TAX1BP1: variants seen among roughly 807,000 people sequenced by gnomAD.
TAX1BP1 encodes the protein Tax1 binding protein 1.
A neutral mutation model predicts 97.7 loss-of-function variants in TAX1BP1; 62 were observed. The observed-to-expected ratio is 0.63, with a 90% confidence interval of 0.52 to 0.78. TAX1BP1 has a LOEUF of 0.78. Among genes scored for constraint, TAX1BP1 ranks in the 30% least tolerant of loss-of-function variants. The probability of loss-of-function intolerance (pLI) is 0.00; values close to 1 mark genes in which losing one functional copy is unlikely to be tolerated. For synonymous variants in TAX1BP1, 340 were observed against 304.2 expected (o/e 1.12, Z -1.23); for missense variants, 867 against 916.1 (o/e 0.95, Z 0.69).
intron 7 of TAX1BP1, 51 bp downstream of exon 7, chr7:27,785,540 C>A: frequency 6.7e-7 from 1 of 1,492,400 alleles, no homozygotes; most frequent in Non-Finnish European, 9.2e-7. Context: ...AAGAAATGAC[C>A]CCAGAACTTA....
intron 1 of TAX1BP1, among the ~76,000 whole-genome samples, chr7:27,745,899 A>G (rs1409900759): frequency 1.3e-5 from 2 of 152,002 alleles, no homozygotes; most frequent in African/African-American, 2.4e-5. Flanking sequence ...TCTATAGTGT[A>G]TACTTCTTGA....
Position 27,800,069 on chromosome 7 carries a change from T to C in TAX1BP1, c.1743T>C (p.Ala581=). 6.3e-7 allele frequency: 1 copy of C among 1,590,856 alleles called. No individual in the cohort carries two copies. ...KIAENVKLEL[A]EVQDNYKELK... is the part of the protein sequence containing the mutation. ...CTGAAAATGTAAAACTTGAACTAGCTGAAGTACAGGACAATTATAAAGTAA... is the reference window on the plus strand; with the variant it reads ...CTGAAAATGTAAAACTTGAACTAGCCGAAGTACAGGACAATTATAAAGTAA... The change falls in exon 13 of 17, where the codon GCT becomes GCC. Residue 581 remains alanine, a synonymous_variant. Coordinates refer to ENST00000396319, the MANE Select transcript of TAX1BP1 (RefSeq NM_006024.7).
rs182426017 is a variant in TAX1BP1, at chr7:27,792,984, G to A, written c.1264-82G>A. On this transcript the variant is annotated intron_variant, in intron 9 of 16. Coordinates refer to ENST00000396319, the MANE Select transcript of TAX1BP1 (RefSeq NM_006024.7). ...CTCAAAAACAAAAAAAAGAAAAAAA[G>A]TAAGATTGAAGTTGGGGTTACTATT... 200 of 1,295,762 alleles carry A rather than the reference G, an allele frequency of 1.5e-4. No homozygotes were observed. In the African/African-American group the frequency reaches 2.7e-3, roughly 18 times the overall value. The allele number at this position is 1,295,762 out of a possible 1,614,324, so 80.3% of individuals were successfully genotyped here. A position where few individuals can be genotyped will look rare whatever the true frequency, so the allele number is the denominator to read the frequency against.
At chr7:27,790,498 G>A (rs1789664086) in intron 8 of TAX1BP1, among the ~76,000 whole-genome samples, 1 of 151,690 alleles carries the variant, frequency 6.6e-6, no homozygotes, top group Non-Finnish European at 1.5e-5. Context: ...TTCCCACCAA[G>A]AGTATATGAG....
chr7:27,754,593 G>C (rs1349102833), intron 2 of TAX1BP1, among the ~76,000 whole-genome samples: 1 of 151,434 alleles, frequency 6.6e-6, no homozygotes, highest in Non-Finnish European at 1.5e-5. Context: ...TTTGTTTTTT[G>C]AGACAGTCTC....
At chr7:27,807,711 T>G (rs1275067668) in intron 13 of TAX1BP1, among the ~76,000 whole-genome samples, 1 of 152,188 alleles carries the variant, frequency 6.6e-6, no homozygotes, top group Non-Finnish European at 1.5e-5. Flanking sequence ...GTAAATATCT[T>G]GTTCTTTATC....
chr7:27,787,968 T>C (rs1209447544), intron 8 of TAX1BP1, among the ~76,000 whole-genome samples: 1 of 152,124 alleles, frequency 6.6e-6, no homozygotes, highest in Non-Finnish European at 1.5e-5. Context: ...TCATAGTTAG[T>C]TCACAATCAC....
intron 13 of TAX1BP1, among the ~76,000 whole-genome samples, chr7:27,807,933 A>G (rs1790404025): frequency 6.6e-6 from 1 of 152,150 alleles, no homozygotes; most frequent in African/African-American, 2.4e-5. Context: ...CTCAGATTGT[A>G]TCAGATTTAA....
At chr7:27,826,630 C>G (rs774981859) in intron 15 of TAX1BP1, among the ~76,000 whole-genome samples, 1 of 152,162 alleles carries the variant, frequency 6.6e-6, no homozygotes, top group African/African-American at 2.4e-5. Flanking sequence ...GATGATGTGC[C>G]TGGTTTCAGT....
At chr7:27,793,294 T>G (rs545540142) in intron 10 of TAX1BP1, 82 bp downstream of exon 10, 3 of 1,201,658 alleles carry the variant, frequency 2.5e-6, no homozygotes, top group Non-Finnish European at 3.4e-6. Context: ...ATTCCAAATA[T>G]CAACCTTTTA....
chr7:27,819,295 A>G (rs1790888830), intron 15 of TAX1BP1, among the ~76,000 whole-genome samples: 1 of 152,156 alleles, frequency 6.6e-6, no homozygotes, highest in African/African-American at 2.4e-5. Context: ...ACATAAATTG[A>G]AAGAAAATTA....
At chr7:27,765,751 G>T in intron 3 of TAX1BP1, 83 bp from the exon 4 acceptor site, 1 of 1,207,334 alleles carries the variant, frequency 8.3e-7, no homozygotes, top group Non-Finnish European at 1.2e-6. Flanking sequence ...TGGGGAATGA[G>T]ACATGGCAAG....
chr7:27,811,287 ATATGTGGACGTGTATGT>A (rs1790549091), intron 13 of TAX1BP1, among the ~76,000 whole-genome samples: 1 of 152,198 alleles, frequency 6.6e-6, no homozygotes, highest in African/African-American at 2.4e-5. Flanking sequence ...GGCATAGTTG[ATATGTGGACGTGTATGT>A]TATGTATGGA....
intron 15 of TAX1BP1, among the ~76,000 whole-genome samples, chr7:27,824,690 A>G (rs1189725963): frequency 6.6e-6 from 1 of 152,098 alleles, no homozygotes; most frequent in African/African-American, 2.4e-5. Flanking sequence ...ATTGAATGTC[A>G]GTTTATCGTA....
At chr7:27,778,376 C>G (rs1351144123) in intron 5 of TAX1BP1, among the ~76,000 whole-genome samples, 1 of 151,956 alleles carries the variant, frequency 6.6e-6, no homozygotes, top group Non-Finnish European at 1.5e-5. Flanking sequence ...TAGTCACACT[C>G]TTGAGTAGCT....
rs941462623 is a variant in TAX1BP1, at chr7:27,817,690, T to A, written c.2085+652T>A. Among the ~76,000 whole-genome samples, 3 of 152,350 alleles carry A rather than the reference T, an allele frequency of 2.0e-5. No individual in the cohort carries two copies. In the South Asian group the frequency reaches 6.2e-4, roughly 32 times the overall value. On this transcript the variant is annotated intron_variant, in intron 15 of 16. Coordinates refer to ENST00000396319, the MANE Select transcript of TAX1BP1 (RefSeq NM_006024.7). ...TTTAAGAGATTCCTTCAATATTTAATGAATAGGTTTGTTTCCTTACAGCAG... is the reference window on the plus strand; with the variant it reads ...TTTAAGAGATTCCTTCAATATTTAAAGAATAGGTTTGTTTCCTTACAGCAG...
intron 15 of TAX1BP1, among the ~76,000 whole-genome samples, 170 bp from the exon 16 acceptor site, chr7:27,827,568 C>T (rs1791224061): frequency 6.6e-6 from 1 of 152,188 alleles, no homozygotes; most frequent in Admixed American, 6.5e-5. Flanking sequence ...TAGTGAAATA[C>T]TCTGCAAAGT....
intron 16 of TAX1BP1, 47 bp downstream of exon 16, chr7:27,827,867 G>A (rs1172941240): frequency 1.3e-6 from 2 of 1,539,852 alleles, no homozygotes; most frequent in African/African-American, 1.4e-5. Context: ...ATCGGCCAGT[G>A]GTTCTCAAAG....
intron 11 of TAX1BP1, among the ~76,000 whole-genome samples, chr7:27,794,988 G>GA (rs1303326868): frequency 6.6e-6 from 1 of 152,160 alleles, no homozygotes; most frequent in African/African-American, 2.4e-5. Context: ...GAACAGAATA[G>GA]AGAGACATAG....
Sources: allele counts gnomAD v4.1 joint callset (sites outside exome capture counted in the v4.1 genomes callset), GRCh38; gene constraint gnomAD v4.1.1; transcripts MANE v1.5; gene names NCBI Gene and HGNC (gene_info 2026-07-23, HGNC 2026-07-21).